Variants in ARHGEF38 observed in about 807,000 individuals in gnomAD.
The protein encoded by ARHGEF38 is Rho guanine nucleotide exchange factor 38, also known as Rho guanine nucleotide exchange factor (GEF) 38.
Under a neutral mutation model 79.9 loss-of-function variants are expected in ARHGEF38, and 79 were observed. The observed-to-expected ratio is 0.99, with a 90% CI of 0.82 to 1.19. The LOEUF is 1.19. Among genes scored for constraint, ARHGEF38 ranks in the 50% most tolerant of loss-of-function variants. ARHGEF38 has a pLI of 0.00. For missense variants in ARHGEF38, 962 were observed against 907.2 expected, an observed-to-expected ratio of 1.06 and a Z score of -0.78; for synonymous variants, 366 against 328.3, an observed-to-expected ratio of 1.11 and a Z score of -1.24.
intron 13 of ARHGEF38, among the ~76,000 whole-genome samples, chr4:105,671,359 T>A (rs1040374764): frequency 3.9e-5 from 6 of 152,148 alleles, no homozygotes; most frequent in Non-Finnish European, 8.8e-5. Context: ...AGGAAGAGGA[T>A]GCACCTGTTG....
chr4:105,610,316 C>A (rs1728237770), intron 2 of ARHGEF38, among the ~76,000 whole-genome samples: 1 of 151,932 alleles, frequency 6.6e-6, no homozygotes, highest in Admixed American at 6.6e-5. Context: ...GCACATGTAT[C>A]CCATTTTTTT....
At chr4:105,623,009 G>A (rs1728801344) in intron 3 of ARHGEF38, among the ~76,000 whole-genome samples, 1 of 152,156 alleles carries the variant, frequency 6.6e-6, no homozygotes, top group African/African-American at 2.4e-5. Flanking sequence ...AGGAAGAACA[G>A]ATAAGTAAAT....
intron 13 of ARHGEF38, among the ~76,000 whole-genome samples, chr4:105,675,202 A>T (rs1006287434): frequency 1.3e-5 from 2 of 152,214 alleles, no homozygotes; most frequent in Non-Finnish European, 2.9e-5. Context: ...TGGTCTCTAA[A>T]GCATTATGAG....
At chr4:105,663,553 TAC>T (rs1227461626) in intron 10 of ARHGEF38, among the ~76,000 whole-genome samples, 1 of 152,260 alleles carries the variant, frequency 6.6e-6, no homozygotes. Context: ...AATGGAATCA[TAC>T]AGTGTTTGTC....
chr4:105,607,209 T>C (rs1040491061), intron 2 of ARHGEF38, among the ~76,000 whole-genome samples: 1 of 152,092 alleles, frequency 6.6e-6, no homozygotes, highest in African/African-American at 2.4e-5. Flanking sequence ...GTTATACCAA[T>C]GGCCAAACTA....
At chr4:105,553,983 A>C (rs976803511) in intron 1 of ARHGEF38, among the ~76,000 whole-genome samples, 1 of 152,182 alleles carries the variant, frequency 6.6e-6, no homozygotes, top group African/African-American at 2.4e-5. Flanking sequence ...TAATTAAGTT[A>C]AATAAGTTAA....
intron 3 of ARHGEF38, among the ~76,000 whole-genome samples, chr4:105,630,584 T>C (rs1299797515): frequency 6.6e-6 from 1 of 152,176 alleles, no homozygotes; most frequent in Non-Finnish European, 1.5e-5. Flanking sequence ...CAACCTTGTG[T>C]GTAAAGTTGC....
At chr4:105,635,219 C>A (rs553856140) in intron 4 of ARHGEF38, among the ~76,000 whole-genome samples, 3 of 151,838 alleles carry the variant, frequency 2.0e-5, no homozygotes, top group South Asian at 2.1e-4. Context: ...CCTGAATTGC[C>A]CTTGGTTGGG....
chr4:105,656,799 C>T (rs1400773721), intron 9 of ARHGEF38, among the ~76,000 whole-genome samples: 2 of 151,978 alleles, frequency 1.3e-5, no homozygotes, highest in East Asian at 1.9e-4. Context: ...CACATCAAGA[C>T]GTTGTGACAA....
At chr4:105,558,040 A>G (rs570527569) in intron 1 of ARHGEF38, among the ~76,000 whole-genome samples, 20 of 152,176 alleles carry the variant, frequency 1.3e-4, no homozygotes, top group African/African-American at 4.6e-4. Context: ...GGTACCTTCT[A>G]TTTTTGCAAA....
chr4:105,552,845 A>G lies in ARHGEF38; in HGVS notation c.80A>G (p.Tyr27Cys). 6.2e-7 allele frequency: 1 copy of G among 1,613,954 alleles called. No individual in the cohort carries two copies. Among genetic ancestry groups the G allele is most frequent in the Non-Finnish European group, 8.5e-7 (1 of 1,179,848 alleles). Reference sequence around the variant, plus strand: ...CTGGCCTTCTTGAGGTCTAGACTCTATATGCTGGAGAGAAGGAAGACTGAC... The same window carrying G: ...CTGGCCTTCTTGAGGTCTAGACTCTGTATGCTGGAGAGAAGGAAGACTGAC... Reference protein sequence around the residue: ...KNLAFLRSRLYMLERRKTDTV... With the variant: ...KNLAFLRSRLCMLERRKTDTV... Residue 27 changes from tyrosine to cysteine, a missense_variant, in exon 1 of 14, where the codon TAT becomes TGT. Transcript: ENST00000420470.
intron 9 of ARHGEF38, among the ~76,000 whole-genome samples, chr4:105,658,355 G>T (rs535264007): frequency 6.6e-6 from 1 of 152,100 alleles, no homozygotes; most frequent in East Asian, 1.9e-4. Context: ...AGCTGAGAAA[G>T]TGCCACTGCA....
chr4:105,673,129 G>C (rs1731009409), intron 13 of ARHGEF38, among the ~76,000 whole-genome samples: 1 of 152,096 alleles, frequency 6.6e-6, no homozygotes, highest in Non-Finnish European at 1.5e-5. Flanking sequence ...CTTTGCTATA[G>C]AGTGTAGCCT....
At chr4:105,627,519 T>C (rs1728996818) in intron 3 of ARHGEF38, among the ~76,000 whole-genome samples, 1 of 152,232 alleles carries the variant, frequency 6.6e-6, no homozygotes, top group African/African-American at 2.4e-5. Context: ...TGAAGATAAC[T>C]AAGGGGACTT....
At chr4:105,609,768 T>C (rs1301464917) in intron 2 of ARHGEF38, among the ~76,000 whole-genome samples, 1 of 152,120 alleles carries the variant, frequency 6.6e-6, no homozygotes. Context: ...TAAGTACTTT[T>C]GTAAAGCAAT....
intron 6 of ARHGEF38, among the ~76,000 whole-genome samples, chr4:105,647,746 A>G (rs1729910937): frequency 6.6e-6 from 1 of 152,210 alleles, no homozygotes; most frequent in Non-Finnish European, 1.5e-5. Flanking sequence ...AACATTATGA[A>G]AGGTGAAAAT....
At chr4:105,555,305 A>C (rs764934984) in intron 1 of ARHGEF38, among the ~76,000 whole-genome samples, 1 of 152,298 alleles carries the variant, frequency 6.6e-6, no homozygotes, top group East Asian at 1.9e-4. Flanking sequence ...AACATCTTAA[A>C]AACGTAACCC....
chr4:105,567,606 G>A (rs918219120), intron 1 of ARHGEF38, among the ~76,000 whole-genome samples: 9 of 152,134 alleles, frequency 5.9e-5, no homozygotes, highest in Non-Finnish European at 1.3e-4. Context: ...GGAGATAATG[G>A]AAAATGTTGA....
At chr4:105,587,547 A>G (rs1578282378) in intron 1 of ARHGEF38, among the ~76,000 whole-genome samples, 3 of 152,028 alleles carry the variant, frequency 2.0e-5, no homozygotes, top group Middle Eastern at 3.4e-3. Flanking sequence ...TGCAAGCTCC[A>G]CCTCCCGGGT....
Sources: allele counts gnomAD v4.1 joint callset (sites outside exome capture counted in the v4.1 genomes callset), GRCh38; gene constraint gnomAD v4.1.1; transcripts MANE v1.5; gene names NCBI Gene and HGNC (gene_info 2026-07-23, HGNC 2026-07-21).